Variants in NFATC2 observed in about 807,000 individuals in gnomAD.
NFATC2 encodes the protein nuclear factor of activated T-cells, cytoplasmic 2.
Under a neutral mutation model 87.3 loss-of-function variants are expected in NFATC2, and 22 were observed. The ratio of observed to expected loss-of-function variants is 0.25; its 90% CI spans 0.18 to 0.36. The LOEUF is 0.36. NFATC2 is among the 10% of genes least tolerant of loss of function. NFATC2 has a pLI of 1.00. For missense variants in NFATC2, 1,149 were observed against 1,259.1 expected, an observed-to-expected ratio of 0.91 and a Z score of 1.32; for synonymous variants, 565 against 542.2, an observed-to-expected ratio of 1.04 and a Z score of -0.58.
At chr20:51,505,170 T>A (rs1243499936) in intron 3 of NFATC2, among the ~76,000 whole-genome samples, 1 of 151,670 alleles carries the variant, frequency 6.6e-6, no homozygotes, top group Non-Finnish European at 1.5e-5. Flanking sequence ...CCCGCCACCA[T>A]GCCTGGCTAA....
chr20:51,537,695 A>C (rs2076742985), intron 1 of NFATC2, among the ~76,000 whole-genome samples: 2 of 152,200 alleles, frequency 1.3e-5, no homozygotes, highest in Admixed American at 1.3e-4. Context: ...AGCATGCATA[A>C]GGGAATTCAG....
chr20:51,463,024 G>A (rs1386861529), intron 5 of NFATC2, among the ~76,000 whole-genome samples: 1 of 152,238 alleles, frequency 6.6e-6, no homozygotes, highest in Admixed American at 6.5e-5. Context: ...AGCAACCCTG[G>A]CCTTGGCGCT....
intron 9 of NFATC2, among the ~76,000 whole-genome samples, chr20:51,405,313 C>T (rs949945765): frequency 6.6e-6 from 1 of 152,192 alleles, no homozygotes; most frequent in African/African-American, 2.4e-5. Flanking sequence ...GCCAACAGAG[C>T]AGTACCAGAG....
At chr20:51,526,975 T>C (rs1360805757) in intron 1 of NFATC2, among the ~76,000 whole-genome samples, 1 of 152,092 alleles carries the variant, frequency 6.6e-6, no homozygotes, top group Non-Finnish European at 1.5e-5. Flanking sequence ...AATAGCTCAC[T>C]GCAGCCTCCA....
intron 6 of NFATC2, among the ~76,000 whole-genome samples, chr20:51,436,802 T>G (rs554979454): frequency 3.2e-4 from 49 of 152,316 alleles, no homozygotes; most frequent in African/African-American, 1.2e-3. Context: ...TTACACTTTA[T>G]CCTACGCCAA....
At chr20:51,427,252 A>G (rs1237077461) in intron 9 of NFATC2, among the ~76,000 whole-genome samples, 3 of 152,168 alleles carry the variant, frequency 2.0e-5, no homozygotes, top group Non-Finnish European at 4.4e-5. Flanking sequence ...CTGTGGAGTC[A>G]GCACAGCTCC....
chr20:51,485,711 G>T (rs1325625259), intron 3 of NFATC2, among the ~76,000 whole-genome samples: 1 of 152,098 alleles, frequency 6.6e-6, no homozygotes, highest in Admixed American at 6.6e-5. Context: ...TACATCTCCA[G>T]GCCTCAGTTT....
intron 1 of NFATC2, among the ~76,000 whole-genome samples, chr20:51,561,324 T>TAAA (rs10656009): frequency 5.4e-5 from 2 of 36,890 alleles, no homozygotes; most frequent in Non-Finnish European, 1.0e-4. Flanking sequence ...TCAATCTAGT[T>TAAA]AAAAAAAAAA....
chr20:51,519,676 G>T (rs533997629), intron 2 of NFATC2, among the ~76,000 whole-genome samples: 1 of 149,802 alleles, frequency 6.7e-6, no homozygotes, highest in Non-Finnish European at 1.5e-5. Context: ...AGCACTTTGG[G>T]AGGCCAATGC....
At chr20:51,520,138 CAA>C (rs1208965221) in intron 2 of NFATC2, among the ~76,000 whole-genome samples, 2 of 152,166 alleles carry the variant, frequency 1.3e-5, no homozygotes, top group African/African-American at 4.8e-5. Flanking sequence ...CTCTGACACT[CAA>C]AACCTCTCTG....
rs184228365 is a variant in NFATC2, at chr20:51,423,256, C to T, written c.2722+8811G>A. 4.0e-3 allele frequency among the ~76,000 whole-genome samples: 500 copies of T among 126,024 alleles called. 4 individuals carry two copies. The highest frequency in any genetic ancestry group is 0.014 in the African/African-American group (452 of 32,398). The allele number at this position is 126,024 out of a possible 152,430, so 82.7% of individuals were successfully genotyped here. On this transcript the variant is annotated intron_variant, in intron 9 of 10. Transcript: ENST00000371564. ...AGTGAGCTATGGGGGCACCACTGCACTGCAGCCTGGGTGACAGAGTGAGAG... is the reference window on the plus strand; with the variant it reads ...AGTGAGCTATGGGGGCACCACTGCATTGCAGCCTGGGTGACAGAGTGAGAG...
At chr20:51,435,893 G>A in intron 6 of NFATC2, 132 bp from the exon 7 acceptor site, 4 of 717,784 alleles carry the variant, frequency 5.6e-6, no homozygotes, top group Non-Finnish European at 9.8e-6. Context: ...GTCAATATGT[G>A]CACGTGTGTG....
chr20:51,428,479 GT>G (rs1486758439), intron 9 of NFATC2, among the ~76,000 whole-genome samples: 1 of 152,200 alleles, frequency 6.6e-6, no homozygotes, highest in East Asian at 1.9e-4. Flanking sequence ...GAGCGCCTTG[GT>G]GTTCCAAGAA....
chr20:51,422,327 G>A (rs967349824), intron 9 of NFATC2, among the ~76,000 whole-genome samples: 3 of 152,188 alleles, frequency 2.0e-5, no homozygotes, highest in African/African-American at 7.2e-5. Flanking sequence ...CCTGAGAGCA[G>A]CAGAATTTGT....
intron 7 of NFATC2, 54 bp from the exon 8 acceptor site, chr20:51,435,368 C>A (rs1983409064): frequency 6.2e-7 from 1 of 1,611,260 alleles, no homozygotes; most frequent in East Asian, 2.2e-5. Context: ...CAGTTCCTAC[C>A]CAGACCCTAA....
At chr20:51,487,065 C>T (rs907172870) in intron 3 of NFATC2, among the ~76,000 whole-genome samples, 2 of 152,198 alleles carry the variant, frequency 1.3e-5, no homozygotes, top group Non-Finnish European at 2.9e-5. Context: ...GACCAGAACA[C>T]AAGGGGAAAG....
chr20:51,404,786 G>A lies in NFATC2; in HGVS notation c.2723-6056C>T, dbSNP rs140274568. Among the ~76,000 whole-genome samples, 12 of 152,254 alleles carry A rather than the reference G, an allele frequency of 7.9e-5. No individual in the cohort carries two copies. The East Asian group carries it at 1.7e-3, about 22-fold the overall frequency. The stretch of plus-strand genomic sequence containing the variant: ...AGGGGCCCCTCCCAGGCCTCACTGC[G>A]CCCTAGTGTGCGCAGACAGCTTTGG... On this transcript the variant is annotated intron_variant, in intron 9 of 10. Coordinates refer to ENST00000371564, the MANE Select transcript of NFATC2 (RefSeq NM_012340.5).
At chr20:51,530,817 T>C (rs1355282873) in intron 1 of NFATC2, among the ~76,000 whole-genome samples, 1 of 152,096 alleles carries the variant, frequency 6.6e-6, no homozygotes, top group Non-Finnish European at 1.5e-5. Flanking sequence ...CCCTCCCTGT[T>C]TCCCCAGGCT....
intron 1 of NFATC2, among the ~76,000 whole-genome samples, chr20:51,537,240 T>G (rs1305534845): frequency 3.4e-3 from 51 of 14,876 alleles, no homozygotes; most frequent in East Asian, 4.2e-3. Flanking sequence ...AGAGGGGAGG[T>G]GGGGATGTGT....
Sources: allele counts gnomAD v4.1 joint callset (sites outside exome capture counted in the v4.1 genomes callset), GRCh38; gene constraint gnomAD v4.1.1; transcripts MANE v1.5; gene names NCBI Gene and HGNC (gene_info 2026-07-23, HGNC 2026-07-21).